Variants in C2orf76 observed in about 807,000 individuals in gnomAD.
The protein encoded by C2orf76 is chromosome 2 open reading frame 76.
C2orf76 carries 23 observed loss-of-function variants against 16.9 expected under a neutral mutation model. The observed-to-expected ratio is 1.36, with a 90% confidence interval of 0.98 to 1.93. The LOEUF is 1.93. Ranked by LOEUF, C2orf76 falls within the 30% of genes most tolerant of loss-of-function variation. The pLI is 0.00. For synonymous variants in C2orf76, 48 were observed against 52.3 expected, an observed-to-expected ratio of 0.92 and a Z score of 0.35; for missense variants, 152 against 152.6, an observed-to-expected ratio of 1.00 and a Z score of 0.02.
intron 1 of C2orf76, among the ~76,000 whole-genome samples, chr2:119,354,184 AT>A (rs1416125408): frequency 6.6e-6 from 1 of 152,144 alleles, no homozygotes; most frequent in Non-Finnish European, 1.5e-5. Context: ...TCAAAAGCAT[AT>A]TTTTTTAAAA....
intron 2 of C2orf76, among the ~76,000 whole-genome samples, chr2:119,325,457 C>CAAAAAAAAA (rs59581840): frequency 3.3e-5 from 2 of 59,774 alleles, no homozygotes; most frequent in Non-Finnish European, 6.3e-5. Flanking sequence ...AAGACTGTCT[C>CAAAAAAAAA]AAAAAAAAAA....
chr2:119,359,178 C>T (rs904295968), intron 1 of C2orf76, among the ~76,000 whole-genome samples: 3 of 152,146 alleles, frequency 2.0e-5, no homozygotes, highest in Admixed American at 1.3e-4. Flanking sequence ...GACAGTGCAT[C>T]TGTTTACAGC....
chr2:119,367,046 G>A (rs3209863), upstream of C2orf76: 1 of 1,614,092 alleles, frequency 6.2e-7, no homozygotes, highest in Non-Finnish European at 8.5e-7. Flanking sequence ...TTGCAAGTCG[G>A]CCAGGATGTC....
At chr2:119,332,671 C>A (rs1679713726) in intron 2 of C2orf76, among the ~76,000 whole-genome samples, 1 of 152,210 alleles carries the variant, frequency 6.6e-6, no homozygotes. Context: ...TAGGTTAGCA[C>A]ACCCGCTCTG....
chr2:119,291,026 A>G, the C2orf76 span, among the ~76,000 whole-genome samples: 11 of 151,980 alleles, frequency 7.2e-5, no homozygotes, highest in African/African-American at 2.4e-4. Context: ...GCTCGGCCTC[A>G]TCAGTTCCCA....
intron 2 of C2orf76, among the ~76,000 whole-genome samples, chr2:119,338,404 C>G (rs1252226757): frequency 6.6e-6 from 1 of 152,180 alleles, no homozygotes; most frequent in Admixed American, 6.5e-5. Flanking sequence ...TACTAACTAG[C>G]CTTAGTATTC....
chr2:119,333,820 T>A (rs2104590332), intron 2 of C2orf76, among the ~76,000 whole-genome samples: 2 of 152,314 alleles, frequency 1.3e-5, no homozygotes, highest in South Asian at 4.1e-4. Flanking sequence ...TGGCCTAAAT[T>A]TTTCTTTAAG....
intron 1 of C2orf76, among the ~76,000 whole-genome samples, chr2:119,349,604 C>T (rs1371333176): frequency 6.6e-6 from 1 of 152,160 alleles, no homozygotes; most frequent in African/African-American, 2.4e-5. Context: ...TGTTGCCAAG[C>T]CTCTACCACA....
chr2:119,312,251 T>C (rs1000581516), intron 4 of C2orf76, among the ~76,000 whole-genome samples: 1 of 152,076 alleles, frequency 6.6e-6, no homozygotes, highest in African/African-American at 2.4e-5. Context: ...ACTTCCTTTT[T>C]TCGTTTTGTT....
chr2:119,352,304 A>G (rs561443713), intron 1 of C2orf76, among the ~76,000 whole-genome samples: 29 of 152,382 alleles, frequency 1.9e-4, no homozygotes, highest in African/African-American at 7.0e-4. Context: ...ACTTTGCTTT[A>G]AAGTTTGTCT....
chr2:119,345,380 A>G (rs1258718446), intron 1 of C2orf76, among the ~76,000 whole-genome samples: 1 of 152,170 alleles, frequency 6.6e-6, no homozygotes, highest in African/African-American at 2.4e-5. Flanking sequence ...AGAAACAAAT[A>G]TTTTTTTATA....
chr2:119,289,853 C>T, the C2orf76 span, among the ~76,000 whole-genome samples: 1 of 151,894 alleles, frequency 6.6e-6, no homozygotes, highest in Non-Finnish European at 1.5e-5. Context: ...CTGCTGTCAG[C>T]CACACCCAGC....
chr2:119,325,394 C>T (rs145850257), intron 2 of C2orf76, among the ~76,000 whole-genome samples: 11 of 130,078 alleles, frequency 8.5e-5, no homozygotes, highest in African/African-American at 3.2e-4. Flanking sequence ...CAGGAGGCAG[C>T]GGTTGCGGTG....
intron 1 of C2orf76, among the ~76,000 whole-genome samples, chr2:119,364,009 C>A (rs1489476487): frequency 1.3e-5 from 2 of 148,572 alleles, no homozygotes; most frequent in Admixed American, 6.7e-5. Context: ...TGGAGTGAGA[C>A]CCTGTCTCAA....
chr2:119,330,600 T>C (rs1679646376), intron 2 of C2orf76, among the ~76,000 whole-genome samples: 1 of 152,126 alleles, frequency 6.6e-6, no homozygotes, highest in South Asian at 2.1e-4. Flanking sequence ...GAGTCTCTAG[T>C]TTTCATCATA....
chr2:119,321,106 T>C (rs1679326349), intron 3 of C2orf76, 48 bp downstream of exon 3: 5 of 988,258 alleles, frequency 5.1e-6, no homozygotes, highest in Non-Finnish European at 5.8e-6. Context: ...AACAAACTAA[T>C]GCAAAATTGT....
At chr2:119,311,290 T>G in intron 5 of C2orf76, 1 of 985,400 alleles carries the variant, frequency 1.0e-6, no homozygotes, top group Non-Finnish European at 1.2e-6. Context: ...TCCATTTCTC[T>G]CCAACCATCG....
intron 1 of C2orf76, among the ~76,000 whole-genome samples, chr2:119,363,172 C>T (rs933664756): frequency 4.6e-5 from 7 of 152,286 alleles, no homozygotes; most frequent in Non-Finnish European, 8.8e-5. Context: ...CGCCTGTAAT[C>T]TCAGCACTTT....
At chr2:119,323,505 C>T (rs574733056) in intron 2 of C2orf76, among the ~76,000 whole-genome samples, 4 of 152,220 alleles carry the variant, frequency 2.6e-5, no homozygotes, top group South Asian at 2.1e-4. Context: ...AACAAAAGTA[C>T]GTTTCCAGCC....
Sources: gnomAD v4.1 joint callset for allele counts (sites outside exome capture counted in the v4.1 genomes callset) on GRCh38, gnomAD v4.1.1 for gene constraint, MANE v1.5 for transcripts, NCBI Gene and HGNC (gene_info 2026-07-23, HGNC 2026-07-21) for gene names.